The following QKI variants were observed in gnomAD, a reference collection of about 807,000 sequenced individuals.
QKI encodes the protein KH domain-containing RNA-binding protein QKI.
QKI carries 10 observed loss-of-function variants against 39.0 expected under a neutral mutation model. That is an observed-to-expected ratio of 0.26 (90% CI 0.16 to 0.43). QKI has a LOEUF of 0.43. Among genes scored for constraint, QKI ranks in the 20% least tolerant of loss-of-function variants. The pLI, the probability that QKI is intolerant of heterozygous loss-of-function variation, is 1.00. For missense variants in QKI, 218 were observed against 428.0 expected (o/e 0.51, Z 4.33); for synonymous variants, 204 against 155.4 (o/e 1.31, Z -2.33).
intron 4 of QKI, among the ~76,000 whole-genome samples, chr6:163,552,009 C>T (rs1782259698): frequency 6.6e-6 from 1 of 152,086 alleles, no homozygotes; most frequent in Non-Finnish European, 1.5e-5. Context: ...AAATGCAGCT[C>T]CTAATAACCT....
intron 1 of QKI, among the ~76,000 whole-genome samples, chr6:163,449,478 C>T (rs1366820825): frequency 6.6e-6 from 1 of 152,168 alleles, no homozygotes; most frequent in African/African-American, 2.4e-5. Flanking sequence ...ATGTCTATAA[C>T]ATCAGCATTG....
intron 7 of QKI, chr6:163,569,969 T>C: frequency 1.0e-6 from 1 of 986,416 alleles, no homozygotes; most frequent in Non-Finnish European, 1.2e-6. Flanking sequence ...AAATAGTATT[T>C]TCAACTGGAA....
chr6:163,451,555 A>G (rs942144313), intron 1 of QKI, among the ~76,000 whole-genome samples: 1 of 152,234 alleles, frequency 6.6e-6, no homozygotes, highest in South Asian at 2.1e-4. Flanking sequence ...AAACAAATTT[A>G]TAATATTTAA....
intron 3 of QKI, among the ~76,000 whole-genome samples, chr6:163,514,799 C>T (rs79196137): frequency 0.01 from 1,529 of 152,214 alleles, 28 homozygotes; most frequent in African/African-American, 0.035. Flanking sequence ...AAAAACTCAA[C>T]CACTAGAAGA....
At chr6:163,546,118 A>T (rs897526889) in intron 4 of QKI, among the ~76,000 whole-genome samples, 40 of 150,448 alleles carry the variant, frequency 2.7e-4, no homozygotes, top group African/African-American at 8.7e-4. Flanking sequence ...GGGGTTTTTT[A>T]AAAATTTCTT....
chr6:163,433,388 T>G (rs887437311), intron 1 of QKI, among the ~76,000 whole-genome samples: 5 of 152,070 alleles, frequency 3.3e-5, no homozygotes, highest in Non-Finnish European at 7.3e-5. Context: ...GATTTCAGAG[T>G]CTCTTTAATT....
intron 6 of QKI, chr6:163,565,555 T>G (rs922660791): frequency 3.0e-6 from 3 of 990,402 alleles, no homozygotes; most frequent in Non-Finnish European, 3.6e-6. Context: ...TGGAAAATTT[T>G]TACTTATAGA....
intron 6 of QKI, chr6:163,564,732 A>AT (rs1464280506): frequency 2.4e-5 from 38 of 1,614,090 alleles, no homozygotes; most frequent in Non-Finnish European, 3.2e-5. Context: ...AAGGACTAGA[A>AT]TACAGCAGCT....
intron 3 of QKI, among the ~76,000 whole-genome samples, chr6:163,512,239 T>G (rs996070043): frequency 6.6e-6 from 1 of 151,988 alleles, no homozygotes; most frequent in Non-Finnish European, 1.5e-5. Context: ...TACTCAGCAG[T>G]AAAATTCTCA....
intron 3 of QKI, among the ~76,000 whole-genome samples, chr6:163,502,094 G>A (rs957463570): frequency 1.3e-5 from 2 of 152,114 alleles, no homozygotes; most frequent in East Asian, 3.9e-4. Context: ...AGGTTGAGGT[G>A]GGTGGATCGC....
At chr6:163,451,444 G>A (rs1035628477) in intron 1 of QKI, among the ~76,000 whole-genome samples, 2 of 152,298 alleles carry the variant, frequency 1.3e-5, no homozygotes, top group Admixed American at 6.5e-5. Flanking sequence ...TTGGTTTAGG[G>A]AAGAGGACAC....
At chr6:163,465,614 G>A (rs1337444222) in intron 2 of QKI, among the ~76,000 whole-genome samples, 3 of 135,642 alleles carry the variant, frequency 2.2e-5, no homozygotes, top group South Asian at 2.3e-4. Context: ...GGGCAACAGA[G>A]CAAGACTGTC....
In QKI at chr6:163,469,314, C is replaced by T. The variant is rs150482273; in HGVS notation, c.286-9466C>T. Among the ~76,000 whole-genome samples, 861 of 152,026 alleles carry T rather than the reference C, an allele frequency of 5.7e-3. 12 individuals carry two copies. Among genetic ancestry groups the T allele is most frequent in the African/African-American group, 0.018 (751 of 41,472 alleles). On this transcript the variant is annotated intron_variant, in intron 2 of 7. Transcript: ENST00000361752. ...AGGGCAGCTGGTTTCACAAAGGGTA[C>T]GGGTCAAAACCAATTACATATTAGT... is the stretch of plus-strand genomic sequence containing the variant.
chr6:163,542,631 T>C (rs79626093), intron 4 of QKI, among the ~76,000 whole-genome samples: 4,219 of 152,136 alleles, frequency 0.028, 186 homozygotes, highest in African/African-American at 0.096. Flanking sequence ...TGGCACACAA[T>C]ATGCCTGCAG....
chr6:163,420,941 A>C (rs1787949560), intron 1 of QKI, among the ~76,000 whole-genome samples: 1 of 152,200 alleles, frequency 6.6e-6, no homozygotes. Flanking sequence ...TCTTAAAATT[A>C]CTTTCTTGAA....
intron 6 of QKI, chr6:163,564,633 C>T (rs376705444): frequency 3.2e-5 from 51 of 1,613,424 alleles, no homozygotes; most frequent in Middle Eastern, 3.3e-4. Flanking sequence ...GTGGTGTGCT[C>T]GAAAAAGACA....
At position 163,569,462 on chromosome 6, in the gene QKI, T is replaced by C. The variant is rs966489828; in HGVS notation, c.1010-1232T>C. ...GTCACAATGGCAACAGTACAGAAAA[T>C]TCTATCAAACCTCAGAATATAGTAG... On this transcript the variant is annotated intron_variant, in intron 7 of 7. Transcript: ENST00000361752. 9.4e-6 allele frequency: 12 copies of C among 1,279,972 alleles called. No homozygotes were observed. In the African/African-American group the frequency reaches 1.2e-4, roughly 13 times the overall value. The allele number at this position is 1,279,972 out of a possible 1,614,324, so 79.3% of individuals were successfully genotyped here.
At chr6:163,533,374 T>C (rs1262979512) in intron 3 of QKI, among the ~76,000 whole-genome samples, 1 of 152,236 alleles carries the variant, frequency 6.6e-6, no homozygotes, top group East Asian at 1.9e-4. Flanking sequence ...AAAAGAAATA[T>C]TTCAGAGTTC....
At chr6:163,555,404 A>G (rs979600533) in intron 4 of QKI, among the ~76,000 whole-genome samples, 3 of 151,876 alleles carry the variant, frequency 2.0e-5, no homozygotes, top group African/African-American at 7.3e-5. Context: ...AGTTCTTAGA[A>G]AAGCCTGCAC....
Sources: gnomAD v4.1 joint callset for allele counts (sites outside exome capture counted in the v4.1 genomes callset) on GRCh38, gnomAD v4.1.1 for gene constraint, MANE v1.5 for transcripts, NCBI Gene and HGNC (gene_info 2026-07-23, HGNC 2026-07-21) for gene names.